Variants in SEMA4A observed in about 807,000 individuals in gnomAD.
SEMA4A encodes semaphorin 4A, also known as semaphorin-4A.
A neutral mutation model predicts 72.5 loss-of-function variants in SEMA4A; 52 were observed. The ratio of observed to expected loss-of-function variants is 0.72; its 90% CI spans 0.57 to 0.90. The LOEUF (loss-of-function observed/expected upper bound fraction) is 0.90, where lower values mean the gene tolerates loss of function less well. Among genes scored for constraint, SEMA4A ranks in the 40% least tolerant of loss-of-function variants. The probability of loss-of-function intolerance (pLI) is 0.00; values close to 1 mark genes in which losing one functional copy is unlikely to be tolerated. For synonymous variants in SEMA4A, 369 were observed against 393.1 expected (o/e 0.94, Z 0.73); for missense variants, 926 against 959.7 (o/e 0.96, Z 0.46).
intron 4 of SEMA4A, 109 bp from the exon 5 acceptor site, chr1:156,158,279 G>A (rs985408442): frequency 3.0e-5 from 38 of 1,265,220 alleles, no homozygotes; most frequent in Non-Finnish European, 4.3e-5. Context: ...AGGCGTACAG[G>A]GACTGCCCCA....
intron 10 of SEMA4A, among the ~76,000 whole-genome samples, chr1:156,164,144 T>G (rs1263985165): frequency 1.3e-5 from 2 of 151,908 alleles, no homozygotes; most frequent in African/African-American, 4.8e-5. Flanking sequence ...TATATGTACA[T>G]GATTTGAAGA....
At chr1:156,175,056 G>A (rs748904693) in intron 12 of SEMA4A, 30 bp from the exon 13 acceptor site, 8 of 1,614,166 alleles carry the variant, frequency 5.0e-6, no homozygotes, top group Non-Finnish European at 6.8e-6. Context: ...TGTGGCTGGG[G>A]CTCCCTGACA....
intron 10 of SEMA4A, among the ~76,000 whole-genome samples, chr1:156,165,971 A>G (rs1005378845): frequency 1.6e-5 from 2 of 126,098 alleles, no homozygotes; most frequent in Admixed American, 9.8e-5. Context: ...CAATGGCTCT[A>G]TCTTGGCTTG....
Position 156,161,328 on chromosome 1 carries a change from C to T in SEMA4A, c.811-18C>T. ...TCGGGGCGCCCGGGGCGCCCCCTGA[C>T]TCCCCCTGTGCCCCCAGAATGACGT... On this transcript the variant is annotated intron_variant, in intron 8 of 14. Transcript: ENST00000368285. 1 of 1,601,402 alleles carries T rather than the reference C, an allele frequency of 6.2e-7. No homozygotes were observed. The highest frequency in any genetic ancestry group is 8.5e-7 in the Non-Finnish European group (1 of 1,174,468).
In SEMA4A at chr1:156,157,974, G is replaced by C. The variant is rs1653199811; in HGVS notation, c.301-96G>C. The C allele has an allele frequency of 3.2e-6, 4 of 1,245,438 alleles. No homozygotes were observed. The East Asian group carries it at 7.3e-5, about 23-fold the overall frequency. 77.1% of individuals were successfully genotyped at this position (1,245,438 alleles called of 1,614,324 possible). Reference sequence around the variant, plus strand: ...ATGTCACTAACCACCATGTCTGCTGGTTATTTCACATCAGAGCAGAGAAGG... The same window carrying C: ...ATGTCACTAACCACCATGTCTGCTGCTTATTTCACATCAGAGCAGAGAAGG... On this transcript the variant is annotated intron_variant, in intron 3 of 14. Transcript: ENST00000368285. This position sits in a 1 kb window ranked among gnomAD's most constrained non-coding sequence, Gnocchi z 4.5.
upstream of SEMA4A, among the ~76,000 whole-genome samples, chr1:156,151,318 G>T (rs1652516926): frequency 6.6e-6 from 1 of 152,230 alleles, no homozygotes; most frequent in Admixed American, 6.5e-5. Flanking sequence ...CACTGGCTGG[G>T]GCCCTGCCAG....
chr1:156,166,761 T>C (rs891667203), intron 10 of SEMA4A, among the ~76,000 whole-genome samples: 2 of 151,936 alleles, frequency 1.3e-5, no homozygotes, highest in Non-Finnish European at 2.9e-5. Context: ...AAACCCCGTC[T>C]CTACTAAAAA....
At chr1:156,176,295 C>T in intron 14 of SEMA4A, 110 bp from the exon 15 acceptor site, 2 of 724,842 alleles carry the variant, frequency 2.8e-6, no homozygotes, top group Non-Finnish European at 4.3e-6. Flanking sequence ...GAACCTGCCT[C>T]AAAAAAAAAA....
chr1:156,170,460 CAA>C (rs35927446), intron 10 of SEMA4A, among the ~76,000 whole-genome samples: 140 of 40,308 alleles, frequency 3.5e-3, no homozygotes, highest in African/African-American at 0.01. Context: ...GATACTGTCT[CAA>C]AAAAAAAAAA....
At chr1:156,164,030 C>T (rs1171501856) in intron 10 of SEMA4A, among the ~76,000 whole-genome samples, 1 of 132,360 alleles carries the variant, frequency 7.6e-6, no homozygotes, top group Non-Finnish European at 1.6e-5. Context: ...GATGCTGTCT[C>T]TAAAGAAGTT....
rs1653258687 is a variant in SEMA4A, at chr1:156,158,495, T to G, written c.462+9T>G. The G allele has an allele frequency of 6.2e-7, 1 of 1,602,962 alleles. No homozygotes were observed. Among genetic ancestry groups the G allele is most frequent in the African/African-American group, 1.3e-5 (1 of 74,612 alleles). On this transcript the variant is annotated intron_variant, in intron 5 of 14. Transcript: ENST00000368285. The stretch of plus-strand genomic sequence containing the variant: ...CTGCTTGTACCTTCATTGTGAGTTC[T>G]CTGGTGCCCAGCGCTCAGGCCCCCA...
chr1:156,149,091 C>T (rs558930800), upstream of SEMA4A, among the ~76,000 whole-genome samples: 6 of 151,866 alleles, frequency 4.0e-5, no homozygotes, highest in East Asian at 1.2e-3. Context: ...CGTGAGCCAC[C>T]GCACCCAGCC....
chr1:156,158,226 G>T, intron 4 of SEMA4A, 94 bp downstream of exon 4: 1 of 1,427,828 alleles, frequency 7.0e-7, no homozygotes, highest in South Asian at 1.1e-5. Flanking sequence ...CGGCAGTGGA[G>T]GGCACTTGTT....
chr1:156,175,312 G>T, intron 13 of SEMA4A, 69 bp downstream of exon 13: 1 of 1,519,946 alleles, frequency 6.6e-7, no homozygotes, highest in Non-Finnish European at 9.0e-7. Context: ...TTCTGCTACT[G>T]TTCTTCCTCT....
intron 10 of SEMA4A, 138 bp downstream of exon 10, chr1:156,163,232 T>A: frequency 1.1e-6 from 1 of 927,372 alleles, no homozygotes; most frequent in Non-Finnish European, 1.7e-6. Flanking sequence ...GACGTACACC[T>A]GGTATAGCTG....
At chr1:156,175,795 G>T (rs1252606800) in intron 14 of SEMA4A, 139 bp downstream of exon 14, 2 of 706,154 alleles carry the variant, frequency 2.8e-6, no homozygotes, top group East Asian at 5.4e-5. Context: ...GATGGATTTG[G>T]GTCCTGGCTA....
At chr1:156,169,407 CTTTTTTTTT>C (rs766983966) in intron 10 of SEMA4A, among the ~76,000 whole-genome samples, 1 of 85,302 alleles carries the variant, frequency 1.2e-5, no homozygotes, top group East Asian at 3.1e-4. Flanking sequence ...CTTTTCTTTT[CTTTTTTTTT>C]TTTTTTTTTT....
chr1:156,176,265 C>T lies in SEMA4A; in HGVS notation c.1694-140C>T, dbSNP rs551918300. 2.1e-5 allele frequency: 14 copies of T among 681,270 alleles called. No homozygotes were observed. The African/African-American group carries it at 2.6e-4, about 12-fold the overall frequency. The allele number at this position is 681,270 out of a possible 1,614,324, so 42.2% of individuals were successfully genotyped here. On this transcript the variant is annotated intron_variant, in intron 14 of 14. Transcript: ENST00000368285. Reference sequence around the variant, plus strand: ...GAGCTGAGGTTGTGCCACTGCACTCCAGCCTGGGCAATAGAGCCAGAACCT... The same window carrying T: ...GAGCTGAGGTTGTGCCACTGCACTCTAGCCTGGGCAATAGAGCCAGAACCT...
At chr1:156,161,325 T>G in intron 8 of SEMA4A, 21 bp from the exon 9 acceptor site, 147 of 893,680 alleles carry the variant, frequency 1.6e-4, no homozygotes, top group Middle Eastern at 4.3e-4. Context: ...GGGCGCCCCC[T>G]GACTCCCCCT....
Sources: gnomAD v4.1 joint callset for allele counts (sites outside exome capture counted in the v4.1 genomes callset) on GRCh38, gnomAD v4.1.1 for gene constraint, Gnocchi (gnomAD v3.1) non-coding constraint, MANE v1.5 for transcripts, NCBI Gene and HGNC (gene_info 2026-07-23, HGNC 2026-07-21) for gene names.